Variants in NRG3 observed in about 807,000 individuals in gnomAD.
NRG3 encodes the protein neuregulin 3, also known as pro-neuregulin-3, membrane-bound isoform.
In NRG3, 31 loss-of-function variants were observed where a neutral mutation model predicts 66.9. The observed-to-expected ratio is 0.46, with a 90% CI of 0.35 to 0.63. The LOEUF is 0.63. Among genes scored for constraint, NRG3 ranks in the 20% least tolerant of loss-of-function variants. The pLI, the probability that NRG3 is intolerant of heterozygous loss-of-function variation, is 0.00. For missense variants in NRG3, 910 were observed against 878.9 expected (o/e 1.04, Z -0.45); for synonymous variants, 393 against 359.4 (o/e 1.09, Z -1.06).
intron 4 of NRG3, among the ~76,000 whole-genome samples, chr10:82,927,031 A>T (rs1023792921): frequency 1.3e-5 from 2 of 152,114 alleles, no homozygotes; most frequent in African/African-American, 4.8e-5. Context: ...CACCATCACT[A>T]CTTGAGCAGA....
At chr10:82,675,335 G>T (rs1326208009) in intron 2 of NRG3, among the ~76,000 whole-genome samples, 3 of 152,132 alleles carry the variant, frequency 2.0e-5, no homozygotes, top group Non-Finnish European at 2.9e-5. Flanking sequence ...TTGGTTGGGG[G>T]TGAAGTCATA....
At chr10:82,416,533 G>A (rs973040918) in intron 2 of NRG3, among the ~76,000 whole-genome samples, 1 of 152,176 alleles carries the variant, frequency 6.6e-6, no homozygotes, top group Admixed American at 6.6e-5. Flanking sequence ...GAGAAAGTGA[G>A]CTCAGGTCCC....
intron 4 of NRG3, among the ~76,000 whole-genome samples, chr10:82,892,973 T>A (rs921657869): frequency 1.9e-4 from 29 of 152,054 alleles, no homozygotes; most frequent in African/African-American, 7.0e-4. Context: ...CCTGTAACTA[T>A]GAAATTGATA....
intron 1 of NRG3, among the ~76,000 whole-genome samples, chr10:82,266,634 G>A (rs749820690): frequency 2.6e-5 from 4 of 152,130 alleles, no homozygotes; most frequent in Non-Finnish European, 4.4e-5. Context: ...GTACTGTTTT[G>A]ACACGGTCCA....
At chr10:82,065,672 A>G (rs1380639388) in intron 1 of NRG3, among the ~76,000 whole-genome samples, 2 of 152,214 alleles carry the variant, frequency 1.3e-5, no homozygotes, top group Non-Finnish European at 2.9e-5. Flanking sequence ...ATAATTAAAA[A>G]TTCTAGTTAG....
At chr10:82,513,607 CCT>C (rs1845397351) in intron 2 of NRG3, among the ~76,000 whole-genome samples, 1 of 152,074 alleles carries the variant, frequency 6.6e-6, no homozygotes, top group Non-Finnish European at 1.5e-5. Flanking sequence ...ATGGCGAAAC[CCT>C]GTTTCTATAA....
chr10:82,781,245 A>G (rs1019087724), intron 3 of NRG3, among the ~76,000 whole-genome samples: 1 of 152,182 alleles, frequency 6.6e-6, no homozygotes, highest in African/African-American at 2.4e-5. Context: ...GGAACAAGGA[A>G]TGATGAGTCT....
intron 1 of NRG3, among the ~76,000 whole-genome samples, chr10:82,272,538 A>G (rs975602984): frequency 1.9e-4 from 29 of 152,082 alleles, no homozygotes; most frequent in Non-Finnish European, 7.4e-5. Context: ...GTGGCTATTT[A>G]TGTAGATGAA....
chr10:82,511,742 C>T (rs1845184361), intron 2 of NRG3, among the ~76,000 whole-genome samples: 1 of 152,058 alleles, frequency 6.6e-6, no homozygotes, highest in Admixed American at 6.5e-5. Flanking sequence ...CCTTGGATGT[C>T]CTTGTTCTGC....
chr10:82,855,231 C>T (rs1409300910), intron 3 of NRG3, among the ~76,000 whole-genome samples: 1 of 152,136 alleles, frequency 6.6e-6, no homozygotes, highest in Non-Finnish European at 1.5e-5. Context: ...GGTATTAAAA[C>T]AATTTATGAA....
chr10:82,485,478 A>G (rs1842609600), intron 2 of NRG3, among the ~76,000 whole-genome samples: 1 of 149,020 alleles, frequency 6.7e-6, no homozygotes, highest in South Asian at 2.2e-4. Flanking sequence ...TATGGTAAGC[A>G]TATTTGCAGA....
rs1056454444 is a variant in NRG3, at chr10:82,676,768, C to A, written c.954-61809C>A. Reference sequence around the variant, plus strand: ...AAAGTGCTGGATTACAGGCCGGAGCCATGGCGCCCAGCCTCTATTTGTTAT... The same window carrying A: ...AAAGTGCTGGATTACAGGCCGGAGCAATGGCGCCCAGCCTCTATTTGTTAT... On this transcript the variant is annotated intron_variant, in intron 2 of 8. Coordinates refer to ENST00000372141, the MANE Select transcript of NRG3 (RefSeq NM_001010848.4). Among the ~76,000 whole-genome samples the A allele has an allele frequency of 1.3e-3, 203 of 152,272 alleles. 1 individual carries two copies. Among genetic ancestry groups the A allele is most frequent in the African/African-American group, 4.8e-3 (200 of 41,562 alleles).
chr10:82,761,414 C>G (rs963595327), intron 3 of NRG3, among the ~76,000 whole-genome samples: 1 of 152,020 alleles, frequency 6.6e-6, no homozygotes, highest in African/African-American at 2.4e-5. Context: ...AACCCAAATA[C>G]TTTCCTATTC....
chr10:82,624,902 A>G (rs1405090749), intron 2 of NRG3, among the ~76,000 whole-genome samples: 1 of 145,912 alleles, frequency 6.9e-6, no homozygotes, highest in Non-Finnish European at 1.5e-5. Flanking sequence ...GATAAATATA[A>G]ATATATATAT....
Position 82,914,885 on chromosome 10 carries a change from C to G in NRG3, c.1055-36584C>G, listed in dbSNP as rs1216329030. Among the ~76,000 whole-genome samples the G allele has an allele frequency of 1.1e-4, 16 of 151,938 alleles. 1 individual carries two copies. ...TTCTCATGGTGGTTAGGTTCTGGTA[C>G]AATAGTTTTCTCTGGGGAAAGGCCT... On this transcript the variant is annotated intron_variant, in intron 4 of 8. Coordinates refer to ENST00000372141, the MANE Select transcript of NRG3 (RefSeq NM_001010848.4).
chr10:82,079,621 A>G (rs2065280536), intron 1 of NRG3, among the ~76,000 whole-genome samples: 1 of 152,092 alleles, frequency 6.6e-6, no homozygotes, highest in Admixed American at 6.6e-5. Flanking sequence ...TGCTCTGTCT[A>G]TTCATCCCTC....
intron 2 of NRG3, among the ~76,000 whole-genome samples, chr10:82,581,353 G>A (rs974208357): frequency 2.0e-5 from 3 of 151,860 alleles, no homozygotes; most frequent in Non-Finnish European, 4.4e-5. Context: ...AGACAGATAC[G>A]TGTTTTGCAA....
intron 2 of NRG3, among the ~76,000 whole-genome samples, chr10:82,417,863 A>C (rs901471598): frequency 2.0e-5 from 3 of 152,206 alleles, no homozygotes; most frequent in African/African-American, 7.2e-5. Flanking sequence ...CTGGCTCTTA[A>C]GAGCTGATCA....
At chr10:82,745,571 G>A (rs1010415502) in intron 3 of NRG3, among the ~76,000 whole-genome samples, 4 of 152,106 alleles carry the variant, frequency 2.6e-5, no homozygotes, top group African/African-American at 7.2e-5. Flanking sequence ...CCATGAGAAG[G>A]AGAAACAGAG....
Sources: allele counts gnomAD v4.1 joint callset (sites outside exome capture counted in the v4.1 genomes callset), GRCh38; gene constraint gnomAD v4.1.1; transcripts MANE v1.5; gene names NCBI Gene and HGNC (gene_info 2026-07-23, HGNC 2026-07-21).